Variants in NT5DC1 observed in about 807,000 individuals in gnomAD.
NT5DC1 encodes 5'-nucleotidase domain containing 1, also known as 5'-nucleotidase domain-containing protein 1.
A neutral mutation model predicts 59.4 loss-of-function variants in NT5DC1; 42 were observed. That is an observed-to-expected ratio of 0.71 (90% CI 0.55 to 0.92). The LOEUF is 0.92. Ranked by LOEUF, NT5DC1 falls within the 40% of genes least tolerant of loss-of-function variation. The pLI is 0.00. For synonymous variants in NT5DC1, 172 were observed against 188.1 expected (o/e 0.91, Z 0.70); for missense variants, 501 against 537.1 (o/e 0.93, Z 0.66).
At chr6:116,178,750 C>A (rs770051662) in intron 6 of NT5DC1, among the ~76,000 whole-genome samples, 21 of 152,290 alleles carry the variant, frequency 1.4e-4, no homozygotes, top group Non-Finnish European at 2.8e-4. Context: ...TGATGCCTCC[C>A]AAAATGTGAG....
intron 7 of NT5DC1, among the ~76,000 whole-genome samples, chr6:116,221,923 A>T (rs571102494): frequency 9.2e-5 from 14 of 152,296 alleles, no homozygotes; most frequent in South Asian, 2.1e-4. Context: ...TGTGGGAAAT[A>T]CCAGGAAATG....
chr6:116,220,156 G>A lies in NT5DC1; in HGVS notation c.530-898G>A, dbSNP rs907501029. On this transcript the variant is annotated intron_variant, in intron 6 of 11. Coordinates refer to ENST00000319550, the MANE Select transcript of NT5DC1 (RefSeq NM_152729.3). ...TTTTTTTTTTTTTTTGTCTATGCAT[G>A]TGTCCTTTTCCTAACAATTAGAGAA... is the stretch of plus-strand genomic sequence containing the variant. Among the ~76,000 whole-genome samples, 7 of 93,792 alleles carry A rather than the reference G, an allele frequency of 7.5e-5. No homozygotes were observed. The Admixed American group carries it at 1.0e-3, about 13-fold the overall frequency. The allele number at this position is 93,792 out of a possible 152,430, so 61.5% of individuals were successfully genotyped here. A position where few individuals can be genotyped will look rare whatever the true frequency, so the allele number is the denominator to read the frequency against.
At chr6:116,208,057 C>T (rs578030434) in intron 6 of NT5DC1, among the ~76,000 whole-genome samples, 7 of 152,076 alleles carry the variant, frequency 4.6e-5, no homozygotes, top group African/African-American at 1.7e-4. Context: ...TAATTGAGCA[C>T]TTCAGTCCTC....
chr6:116,223,184 T>C, intron 8 of NT5DC1, 53 bp downstream of exon 8: 1 of 894,358 alleles, frequency 1.1e-6, no homozygotes, highest in Non-Finnish European at 1.9e-6. Context: ...CTAACAACCT[T>C]GTGCAGAACA....
chr6:116,188,706 C>CTTT (rs35593541), intron 6 of NT5DC1, among the ~76,000 whole-genome samples: 1 of 146,250 alleles, frequency 6.8e-6, no homozygotes, highest in African/African-American at 2.5e-5. Flanking sequence ...AAATTTTCTA[C>CTTT]TTTTTTTTTT....
intron 6 of NT5DC1, among the ~76,000 whole-genome samples, chr6:116,132,838 C>T (rs1779503444): frequency 6.6e-6 from 1 of 152,114 alleles, no homozygotes; most frequent in Admixed American, 6.5e-5. Flanking sequence ...TCCACCACCA[C>T]CTTGCTGTAC....
At chr6:116,128,284 A>G (rs1285415766) in intron 6 of NT5DC1, among the ~76,000 whole-genome samples, 2 of 152,186 alleles carry the variant, frequency 1.3e-5, no homozygotes, top group Non-Finnish European at 2.9e-5. Flanking sequence ...TGTTAGTCAC[A>G]TAAGAAGCAC....
intron 6 of NT5DC1, among the ~76,000 whole-genome samples, chr6:116,215,158 C>T (rs867165814): frequency 6.6e-6 from 1 of 152,056 alleles, no homozygotes; most frequent in African/African-American, 2.4e-5. Flanking sequence ...AATCTAATCA[C>T]CTAATTGGAT....
chr6:116,125,134 A>G (rs1178668785), intron 6 of NT5DC1, among the ~76,000 whole-genome samples: 1 of 152,238 alleles, frequency 6.6e-6, no homozygotes, highest in South Asian at 2.1e-4. Flanking sequence ...TCTTTCAACT[A>G]TATTTTCAAG....
intron 4 of NT5DC1, among the ~76,000 whole-genome samples, chr6:116,112,531 G>T (rs1371880662): frequency 6.6e-6 from 1 of 152,142 alleles, no homozygotes; most frequent in Non-Finnish European, 1.5e-5. Context: ...TATTTACCTT[G>T]CTCTTTTCAA....
At chr6:116,206,325 T>C (rs1781448453) in intron 6 of NT5DC1, among the ~76,000 whole-genome samples, 1 of 152,014 alleles carries the variant, frequency 6.6e-6, no homozygotes, top group Admixed American at 6.6e-5. Flanking sequence ...TTCACATATA[T>C]CATTGCATAT....
At chr6:116,149,598 G>C (rs1056109988) in intron 6 of NT5DC1, among the ~76,000 whole-genome samples, 1 of 152,056 alleles carries the variant, frequency 6.6e-6, no homozygotes, top group Non-Finnish European at 1.5e-5. Context: ...CTGTCGAAAG[G>C]GTATCTAGAC....
At position 116,112,026 on chromosome 6, in the gene NT5DC1, A is replaced by G. The variant is rs143490176; in HGVS notation, c.364+1070A>G. Among the ~76,000 whole-genome samples, 7 of 152,336 alleles carry G rather than the reference A, an allele frequency of 4.6e-5. No individual in the cohort carries two copies. In the East Asian group the frequency reaches 1.4e-3, roughly 29 times the overall value. On this transcript the variant is annotated intron_variant, in intron 4 of 11. Transcript: ENST00000319550. Reference sequence around the variant, plus strand: ...ACTCTGAAATTTATTAAGAATCCAGAGTATTTTAAAGAATAAAGTACCCAG... The same window carrying G: ...ACTCTGAAATTTATTAAGAATCCAGGGTATTTTAAAGAATAAAGTACCCAG...
intron 1 of NT5DC1, among the ~76,000 whole-genome samples, chr6:116,106,036 A>G (rs928427857): frequency 6.6e-6 from 1 of 152,212 alleles, no homozygotes; most frequent in Non-Finnish European, 1.5e-5. Flanking sequence ...TGCTGACGGT[A>G]TAATTTTGAA....
chr6:116,219,961 C>CAAAAAAA (rs1170500016), intron 6 of NT5DC1, among the ~76,000 whole-genome samples: 1 of 36,260 alleles, frequency 2.8e-5, no homozygotes, highest in Non-Finnish European at 4.7e-5. Flanking sequence ...GACTCTGTCT[C>CAAAAAAA]AAAAAAAAAA....
At chr6:116,225,127 A>C (rs1023866973) in intron 8 of NT5DC1, among the ~76,000 whole-genome samples, 1 of 152,200 alleles carries the variant, frequency 6.6e-6, no homozygotes, top group Non-Finnish European at 1.5e-5. Flanking sequence ...TACCATTTAC[A>C]GACTTGGGGA....
At chr6:116,210,243 A>C (rs906343601) in intron 6 of NT5DC1, among the ~76,000 whole-genome samples, 5 of 152,030 alleles carry the variant, frequency 3.3e-5, no homozygotes, top group Non-Finnish European at 5.9e-5. Flanking sequence ...ATTTTAAATA[A>C]ATTTATATGT....
At chr6:116,145,296 T>C (rs988758135) in intron 6 of NT5DC1, 6 of 207,342 alleles carry the variant, frequency 2.9e-5, no homozygotes, top group South Asian at 6.2e-5. Flanking sequence ...AGTGTTTCCC[T>C]TATCATACGT....
chr6:116,177,282 C>A (rs1780756876), intron 6 of NT5DC1, among the ~76,000 whole-genome samples: 1 of 152,132 alleles, frequency 6.6e-6, no homozygotes, highest in Non-Finnish European at 1.5e-5. Context: ...ACATACTTTT[C>A]AATTAACTGT....
Sources: allele counts gnomAD v4.1 joint callset (sites outside exome capture counted in the v4.1 genomes callset), GRCh38; gene constraint gnomAD v4.1.1; transcripts MANE v1.5; gene names NCBI Gene and HGNC (gene_info 2026-07-23, HGNC 2026-07-21).